Variants in STX18 observed in about 807,000 individuals in gnomAD.
STX18 encodes the protein syntaxin 18, also known as syntaxin-18.
A neutral mutation model predicts 50.1 loss-of-function variants in STX18; 40 were observed. The ratio of observed to expected loss-of-function variants is 0.80; its 90% CI spans 0.62 to 1.04. The LOEUF (loss-of-function observed/expected upper bound fraction) is 1.04. Among genes scored for constraint, STX18 ranks in the 50% least tolerant of loss-of-function variants. The pLI, the probability that STX18 is intolerant of heterozygous loss-of-function variation, is 0.00. For missense variants in STX18, 410 were observed against 415.8 expected, an observed-to-expected ratio of 0.99 and a Z score of 0.12; for synonymous variants, 158 against 151.8, an observed-to-expected ratio of 1.04 and a Z score of -0.30.
intron 7 of STX18, among the ~76,000 whole-genome samples, chr4:4,426,816 C>T (rs542436899): frequency 2.6e-5 from 4 of 152,280 alleles, no homozygotes; most frequent in African/African-American, 9.6e-5. Flanking sequence ...CTCATGGTGG[C>T]CTTGCCCGCT....
intron 7 of STX18, among the ~76,000 whole-genome samples, chr4:4,430,606 C>T (rs10024187): frequency 0.14 from 21,071 of 152,222 alleles, 1,515 homozygotes; most frequent in African/African-American, 0.16. Context: ...TGTCTTTAGA[C>T]AATGACTCGG....
intron 2 of STX18, among the ~76,000 whole-genome samples, chr4:4,468,762 T>C (rs766026179): frequency 8.5e-5 from 13 of 152,136 alleles, no homozygotes; most frequent in Non-Finnish European, 1.8e-4. Flanking sequence ...GACCCACTAA[T>C]TTCACCCCTA....
chr4:4,426,638 C>T (rs1725254171), intron 7 of STX18: 1 of 152,362 alleles, frequency 6.6e-6, no homozygotes. Context: ...GCGCTCTTCA[C>T]ACACACGCCC....
chr4:4,423,469 A>G (rs1369986298), intron 9 of STX18, 49 bp downstream of exon 9: 9 of 1,577,448 alleles, frequency 5.7e-6, no homozygotes, highest in South Asian at 3.3e-5. Flanking sequence ...TCTCAAGTAC[A>G]TTCCCCTTTG....
rs375384199 is a variant in STX18 at position 4,436,237 on chromosome 4, C to T, written c.614-1379G>A. 1.1e-4 allele frequency among the ~76,000 whole-genome samples: 17 copies of T among 152,256 alleles called. 1 individual carries two copies. The highest frequency in any genetic ancestry group is 7.7e-4 in the East Asian group (4 of 5,184). ...TTTACAAAAAAAACTGCATGTCATC[C>T]ACAACTTAGTGCATGCAGGCTTTTA... On this transcript the variant is annotated intron_variant, in intron 6 of 10. Coordinates refer to ENST00000306200, the MANE Select transcript of STX18 (RefSeq NM_016930.4).
intron 5 of STX18, among the ~76,000 whole-genome samples, chr4:4,456,944 G>A (rs1045316794): frequency 7.3e-4 from 111 of 152,258 alleles, no homozygotes; most frequent in African/African-American, 2.4e-3. Flanking sequence ...AGCCTCCTGA[G>A]CCTCAACTTC....
chr4:4,420,633 G>A lies in STX18; in HGVS notation c.912+231C>T, dbSNP rs1196305869. On this transcript the variant is annotated intron_variant, in intron 10 of 10. Transcript: ENST00000306200. This position sits in a 1 kb window ranked among gnomAD's most constrained non-coding sequence, Gnocchi z 4.3. ...GCCAGGAGTACCCCCACCCACCCTG[G>A]ATTGCTCCTTTGGAGGCTGGTGAGC... is the stretch of plus-strand genomic sequence containing the variant. The A allele has an allele frequency of 3.6e-6, 2 of 553,364 alleles. No homozygotes were observed. Among genetic ancestry groups the A allele is most frequent in the Non-Finnish European group, 6.4e-6 (2 of 312,010 alleles). 34.3% of individuals were successfully genotyped at this position (553,364 alleles called of 1,614,324 possible).
At chr4:4,480,936 A>G (rs1344104391) in intron 1 of STX18, among the ~76,000 whole-genome samples, 1 of 152,220 alleles carries the variant, frequency 6.6e-6, no homozygotes, top group African/African-American at 2.4e-5. Flanking sequence ...ATACATATGC[A>G]CTACAGATGA....
intron 2 of STX18, among the ~76,000 whole-genome samples, 156 bp downstream of exon 2, chr4:4,471,483 C>A (rs1341165120): frequency 6.6e-6 from 1 of 152,152 alleles, no homozygotes; most frequent in African/African-American, 2.4e-5. Flanking sequence ...TACAGCAGAG[C>A]CTTTTGCTTT....
At chr4:4,510,634 C>A in intron 1 of STX18, among the ~76,000 whole-genome samples, 1 of 152,068 alleles carries the variant, frequency 6.6e-6, no homozygotes, top group East Asian at 1.9e-4. Flanking sequence ...ACCATTTGAC[C>A]CAGCAATCCC....
chr4:4,530,731 G>A (rs903947645), intron 1 of STX18, among the ~76,000 whole-genome samples: 8 of 151,894 alleles, frequency 5.3e-5, no homozygotes, highest in South Asian at 2.1e-4. Flanking sequence ...TCAGCCTCCC[G>A]GGTAGCTGAG....
At chr4:4,541,141 G>C (rs888088591) in intron 1 of STX18, among the ~76,000 whole-genome samples, 1 of 152,186 alleles carries the variant, frequency 6.6e-6, no homozygotes, top group Admixed American at 6.5e-5. Context: ...AATGCTATGA[G>C]TCATGCATTC....
intron 1 of STX18, among the ~76,000 whole-genome samples, chr4:4,537,092 G>A (rs879185073): frequency 1.3e-5 from 2 of 152,118 alleles, no homozygotes; most frequent in East Asian, 1.9e-4. Flanking sequence ...CGGTGCTTAC[G>A]GGTTTCTTGC....
intron 5 of STX18, among the ~76,000 whole-genome samples, chr4:4,451,012 T>C (rs1279688119): frequency 6.6e-6 from 1 of 152,216 alleles, no homozygotes; most frequent in Non-Finnish European, 1.5e-5. Flanking sequence ...AGATTCTAAC[T>C]ATATACAGAA....
At chr4:4,459,230 G>C in intron 3 of STX18, 142 bp downstream of exon 3, 1 of 640,576 alleles carries the variant, frequency 1.6e-6, no homozygotes, top group South Asian at 1.9e-5. Context: ...TTAAAACATT[G>C]ATCAAGAAAG....
At chr4:4,422,265 G>A (rs2108768570) in intron 9 of STX18, among the ~76,000 whole-genome samples, 1 of 152,218 alleles carries the variant, frequency 6.6e-6, no homozygotes, top group Non-Finnish European at 1.5e-5. Flanking sequence ...TTGTTCCTCA[G>A]GACTTAGGAA....
chr4:4,468,445 C>T (rs1368996520), intron 2 of STX18, among the ~76,000 whole-genome samples: 1 of 152,026 alleles, frequency 6.6e-6, no homozygotes, highest in Non-Finnish European at 1.5e-5. Flanking sequence ...CGCCAGCCTG[C>T]GATGATAGCT....
At chr4:4,464,031 TA>T (rs921781382) in intron 2 of STX18, among the ~76,000 whole-genome samples, 3 of 151,996 alleles carry the variant, frequency 2.0e-5, no homozygotes, top group South Asian at 2.1e-4. Context: ...TTGACAAAGT[TA>T]AAAAAAAGCA....
chr4:4,457,045 G>A, intron 5 of STX18, 146 bp downstream of exon 5: 3 of 706,814 alleles, frequency 4.2e-6, no homozygotes, highest in Admixed American at 2.6e-5. Context: ...CTGGCACACA[G>A]TGAGTGCCCG....
Sources: allele counts gnomAD v4.1 joint callset (sites outside exome capture counted in the v4.1 genomes callset), GRCh38; gene constraint gnomAD v4.1.1; non-coding constraint Gnocchi (gnomAD v3.1); transcripts MANE v1.5; gene names NCBI Gene and HGNC (gene_info 2026-07-23, HGNC 2026-07-21).